The following TUBA4B variants were observed in gnomAD, a reference collection of about 807,000 sequenced individuals.
TUBA4B encodes tubulin-like protein alpha-4B.
Under a neutral mutation model 18.4 loss-of-function variants are expected in TUBA4B, and 13 were observed. The ratio of observed to expected loss-of-function variants is 0.71; its 90% CI spans 0.46 to 1.12. The LOEUF is 1.12. TUBA4B is among the 50% of genes most tolerant of loss of function. The probability of loss-of-function intolerance (pLI) is 0.00; values close to 1 mark genes in which losing one functional copy is unlikely to be tolerated. For missense variants in TUBA4B, 244 were observed against 250.0 expected, an observed-to-expected ratio of 0.98 and a Z score of 0.16; for synonymous variants, 101 against 99.1, an observed-to-expected ratio of 1.02 and a Z score of -0.11.
intron 1 of TUBA4B, among the ~76,000 whole-genome samples, chr2:219,255,955 A>G (rs1260108619): frequency 6.6e-6 from 1 of 152,086 alleles, no homozygotes; most frequent in African/African-American, 2.4e-5. Flanking sequence ...GGAGAACAAG[A>G]CTCATTCATA....
chr2:219,253,489 G>A (rs937880265), intron 1 of TUBA4B, 70 bp downstream of exon 1: 2 of 1,262,018 alleles, frequency 1.6e-6, no homozygotes, highest in Admixed American at 2.0e-5. Flanking sequence ...AGGGACTGGG[G>A]ATGTAAGAGG....
intron 1 of TUBA4B, chr2:219,254,150 T>G: frequency 2.8e-6 from 1 of 353,022 alleles, no homozygotes. Flanking sequence ...TTTCCTCGTT[T>G]TGAGCAGACA....
At chr2:219,261,022 CCTCT>C (rs142648658) in intron 1 of TUBA4B, among the ~76,000 whole-genome samples, 42 of 148,822 alleles carry the variant, frequency 2.8e-4, no homozygotes, top group Non-Finnish European at 4.2e-4. Context: ...GGATCACTTT[CCTCT>C]CTCTCTCTCT....
At chr2:219,270,165 C>G (rs1951816706) in intron 2 of TUBA4B, 37 bp from the exon 3 acceptor site, 2 of 705,720 alleles carry the variant, frequency 2.8e-6, no homozygotes, top group African/African-American at 1.7e-5. Context: ...GGAGGTGGGG[C>G]CCAAAACTCT....
At chr2:219,259,002 C>A (rs1951741766) in intron 1 of TUBA4B, among the ~76,000 whole-genome samples, 1 of 151,964 alleles carries the variant, frequency 6.6e-6, no homozygotes, top group Admixed American at 6.6e-5. Flanking sequence ...CCCAAGATGG[C>A]CGGGAGCAGT....
At chr2:219,266,353 G>A (rs1951789383) in intron 1 of TUBA4B, 168 bp from the exon 2 acceptor site, 1 of 581,210 alleles carries the variant, frequency 1.7e-6, no homozygotes, top group Non-Finnish European at 3.1e-6. Context: ...CTGTTTGGGT[G>A]CAGGCCCAGA....
Position 219,271,811 on chromosome 2 carries a change from T to C in TUBA4B, c.*112T>C. On this transcript the variant is annotated 3_prime_UTR_variant, in exon 4 of 4. Coordinates refer to ENST00000490341, the MANE Select transcript of TUBA4B (RefSeq NM_001355221.1). ...GCTGCCATCAAGACCAAGTGCAGCA[T>C]TCAGTTTGTGGACTGGTGCCCCACA... is the stretch of plus-strand genomic sequence containing the variant. 1.2e-6 allele frequency: 2 copies of C among 1,600,566 alleles called. No homozygotes were observed. The highest frequency in any genetic ancestry group is 1.7e-6 in the Non-Finnish European group (2 of 1,167,564).
intron 1 of TUBA4B, among the ~76,000 whole-genome samples, chr2:219,258,936 C>T (rs955192212): frequency 1.3e-5 from 2 of 151,852 alleles, no homozygotes; most frequent in African/African-American, 4.8e-5. Context: ...GTTTATAATC[C>T]TTGAGCACGC....
At chr2:219,265,376 C>G (rs1294909665) in intron 1 of TUBA4B, among the ~76,000 whole-genome samples, 1 of 152,160 alleles carries the variant, frequency 6.6e-6, no homozygotes, top group African/African-American at 2.4e-5. Flanking sequence ...GGGGCTCATG[C>G]CTGTAATCCC....
chr2:219,263,214 C>G (rs373520969), intron 1 of TUBA4B, among the ~76,000 whole-genome samples: 1 of 152,078 alleles, frequency 6.6e-6, no homozygotes, highest in East Asian at 1.9e-4. Context: ...CAGTCTTGGC[C>G]GGGCACAGTG....
chr2:219,259,318 T>TAAAAAAA (rs35321348), intron 1 of TUBA4B, among the ~76,000 whole-genome samples: 1 of 73,924 alleles, frequency 1.4e-5, no homozygotes. Flanking sequence ...AGACTCTGTC[T>TAAAAAAA]AAAAAAAAAA....
rs995086071 is a variant in TUBA4B at position 219,266,553 on chromosome 2, G to A, written c.45G>A (p.Leu15=). 4 of 703,028 alleles carry A rather than the reference G, an allele frequency of 5.7e-6. No homozygotes were observed. Among genetic ancestry groups the A allele is most frequent in the Admixed American group, 2.0e-5 (1 of 50,008 alleles). The allele number at this position is 703,028 out of a possible 1,614,324, so 43.5% of individuals were successfully genotyped here. A position where few individuals can be genotyped will look rare whatever the true frequency, so the allele number is the denominator to read the frequency against. Reference sequence around the variant, plus strand: ...AGAGACAAGACCCCAGCCAGCCCCTGTCCAGGCAGCATGGTGAGTAGAAGG... The same window carrying A: ...AGAGACAAGACCCCAGCCAGCCCCTATCCAGGCAGCATGGTGAGTAGAAGG... ...QTERQDPSQP[L]SRQHGTYRQI... Residue 15 remains leucine (L), a synonymous_variant, in exon 2 of 4, where the codon CTG becomes CTA. Transcript: ENST00000490341.
chr2:219,260,677 T>TA (rs1193212897), intron 1 of TUBA4B, among the ~76,000 whole-genome samples: 1 of 152,160 alleles, frequency 6.6e-6, no homozygotes, highest in Non-Finnish European at 1.5e-5. Context: ...GTGCTTGAGT[T>TA]AAAATCTTAG....
intron 1 of TUBA4B, among the ~76,000 whole-genome samples, chr2:219,256,127 C>T (rs1951717839): frequency 1.3e-5 from 2 of 152,184 alleles, no homozygotes; most frequent in Admixed American, 1.3e-4. Flanking sequence ...GCAGAATGAA[C>T]ATAGTAAGAG....
chr2:219,255,456 C>A (rs561179704), intron 1 of TUBA4B, among the ~76,000 whole-genome samples: 1 of 152,178 alleles, frequency 6.6e-6, no homozygotes, highest in South Asian at 2.1e-4. Flanking sequence ...TGGTCTCCAA[C>A]TCCTGACCTT....
At chr2:219,264,747 G>A (rs148221698) in intron 1 of TUBA4B, among the ~76,000 whole-genome samples, 80 of 152,242 alleles carry the variant, frequency 5.3e-4, no homozygotes, top group African/African-American at 1.8e-3. Flanking sequence ...AGTTTAAAAC[G>A]TATACATTGT....
intron 1 of TUBA4B, among the ~76,000 whole-genome samples, chr2:219,264,170 C>T (rs1346773669): frequency 6.6e-6 from 1 of 152,146 alleles, no homozygotes; most frequent in African/African-American, 2.4e-5. Flanking sequence ...AGGTTAAGAA[C>T]AACAATAGGC....
chr2:219,259,401 T>TTG (rs1320090991), intron 1 of TUBA4B, among the ~76,000 whole-genome samples: 20 of 143,880 alleles, frequency 1.4e-4, no homozygotes, highest in East Asian at 7.8e-4. Context: ...GTGTGTGTGT[T>TTG]TGTGTGTGTG....
chr2:219,259,124 TAATAAATAAATAAATA>T (rs58291199), intron 1 of TUBA4B, among the ~76,000 whole-genome samples: 3,288 of 134,406 alleles, frequency 0.024, 135 homozygotes, highest in African/African-American at 0.084. Context: ...CTACTAAAAA[TAATAAATAAATAAATA>T]AATAAATAAA....
Sources: allele counts gnomAD v4.1 joint callset (sites outside exome capture counted in the v4.1 genomes callset), GRCh38; gene constraint gnomAD v4.1.1; transcripts MANE v1.5; gene names NCBI Gene and HGNC (gene_info 2026-07-23, HGNC 2026-07-21).